ST14: variants seen among roughly 807,000 people sequenced by gnomAD.
The protein encoded by ST14 is suppressor of tumorigenicity 14 protein.
Under a neutral mutation model 96.5 loss-of-function variants are expected in ST14, and 40 were observed. That is an observed-to-expected ratio of 0.41 (90% CI 0.32 to 0.54). The LOEUF is 0.54. ST14 is among the 20% of genes least tolerant of loss of function. ST14 has a pLI of 0.17. For synonymous variants in ST14, 506 were observed against 492.1 expected (o/e 1.03, Z -0.37); for missense variants, 1,066 against 1,188.9 (o/e 0.90, Z 1.52).
At chr11:130,186,711 C>T (rs1953241143) in intron 1 of ST14, among the ~76,000 whole-genome samples, 1 of 152,048 alleles carries the variant, frequency 6.6e-6, no homozygotes, top group Admixed American at 6.6e-5. Context: ...AACTCTGGGC[C>T]TGTAACTATT....
Position 130,188,022 on chromosome 11 carries a change from C to A in ST14, c.82-92C>A. On this transcript the variant is annotated intron_variant, in intron 1 of 18. Transcript: ENST00000278742. This position sits in a 1 kb window ranked among gnomAD's most constrained non-coding sequence, Gnocchi z 5.4. ...CCAAGCCCCTGCTTTCTTCTCCAAG[C>A]TGGACCTCACAAAATGTGAACATCT... 1 of 1,540,910 alleles carries A rather than the reference C, an allele frequency of 6.5e-7. No homozygotes were observed. The highest frequency in any genetic ancestry group is 1.2e-5 in the South Asian group (1 of 84,594).
chr11:130,203,356 C>A (rs1056491883), intron 16 of ST14, among the ~76,000 whole-genome samples: 2 of 152,222 alleles, frequency 1.3e-5, no homozygotes, highest in Non-Finnish European at 2.9e-5. Flanking sequence ...ACTGCCACCA[C>A]CTTGCTCGTC....
chr11:130,189,657 C>G (rs1389215009), intron 4 of ST14, 82 bp from the exon 5 acceptor site: 28 of 1,578,142 alleles, frequency 1.8e-5, no homozygotes, highest in Non-Finnish European at 2.4e-5. Context: ...CCCGAGCCGC[C>G]CATGTGTCCT....
chr11:130,193,828 G>C (rs1373736423), intron 7 of ST14, among the ~76,000 whole-genome samples: 1 of 152,398 alleles, frequency 6.6e-6, no homozygotes, highest in Admixed American at 6.5e-5. Context: ...CCTTCCATCA[G>C]TGATTGTGAC....
chr11:130,188,762 G>C lies in ST14; in HGVS notation c.369+105G>C. ...CTGTGCTCCCAGGGCCCTGGGATGG[G>C]GGTGATCTGCAAAGGGGACCCGGGC... On this transcript the variant is annotated intron_variant, in intron 3 of 18. Transcript: ENST00000278742. This position sits in a 1 kb window ranked among gnomAD's most constrained non-coding sequence, Gnocchi z 5.4. 1.2e-6 allele frequency: 2 copies of C among 1,606,278 alleles called. No homozygotes were observed. The highest frequency in any genetic ancestry group is 1.7e-6 in the Non-Finnish European group (2 of 1,174,198).
Position 130,190,533 on chromosome 11 carries a change from C to T in ST14, c.714C>T (p.Tyr238=). Residue 238 remains tyrosine (Y), a synonymous_variant, in exon 7 of 19, where the codon TAC becomes TAT. Coordinates refer to ENST00000278742, the MANE Select transcript of ST14 (RefSeq NM_021978.4). ...CGCCCGGCTTCCCTGACAGCCCCTA[C>T]CCCGCTCATGCCCGCTGCCAGTGGG... ...FTTPGFPDSP[Y]PAHARCQWAL... The T allele has an allele frequency of 1.2e-6, 2 of 1,611,336 alleles. No homozygotes were observed. The highest frequency in any genetic ancestry group is 8.5e-7 in the Non-Finnish European group (1 of 1,179,826).
intron 16 of ST14, among the ~76,000 whole-genome samples, chr11:130,202,354 G>A (rs954127539): frequency 2.0e-5 from 3 of 152,200 alleles, no homozygotes. Flanking sequence ...TGCAGATTGT[G>A]GGTCACAGAC....
At chr11:130,178,552 G>A (rs980185114) in intron 1 of ST14, among the ~76,000 whole-genome samples, 4 of 152,166 alleles carry the variant, frequency 2.6e-5, no homozygotes, top group African/African-American at 7.2e-5. Flanking sequence ...GCAGAGAACC[G>A]CTGGGTTTCT....
rs781625620 is a variant in ST14, at chr11:130,209,655, C to T, written c.2407-7C>T. On this transcript the variant is annotated splice_region_variant and splice_polypyrimidine_tract_variant and intron_variant, in intron 18 of 18. Coordinates refer to ENST00000278742, the MANE Select transcript of ST14 (RefSeq NM_021978.4). ...GGGGACTCACGGCAGGGCTTGTCTC[C>T]GCCCAGGGTGATTCCGGGGGACCCC... The T allele has an allele frequency of 2.4e-5, 39 of 1,606,018 alleles. No homozygotes were observed. The Middle Eastern group carries it at 3.2e-3, about 130-fold the overall frequency.
chr11:130,188,438 C>T lies in ST14; in HGVS notation c.242-92C>T. The T allele has an allele frequency of 6.2e-7, 1 of 1,605,146 alleles. No individual in the cohort carries two copies. The highest frequency in any genetic ancestry group is 8.5e-7 in the Non-Finnish European group (1 of 1,176,726). On this transcript the variant is annotated intron_variant, in intron 2 of 18. Transcript: ENST00000278742. The surrounding 1 kb of genome is among the most constrained non-coding windows in gnomAD (Gnocchi z 5.4). Reference sequence around the variant, plus strand: ...AAGCAGTCAGGGCTGACCCATGGCCCCCTCCTGGCATTCATTCCCCATTGT... The same window carrying T: ...AAGCAGTCAGGGCTGACCCATGGCCTCCTCCTGGCATTCATTCCCCATTGT...
chr11:130,172,404 C>T (rs1453891367), intron 1 of ST14, among the ~76,000 whole-genome samples: 2 of 144,182 alleles, frequency 1.4e-5, no homozygotes, highest in Admixed American at 7.0e-5. Context: ...CTGTGCCTGG[C>T]TGTCTTCTTT....
rs749543571 is a variant in ST14 at position 130,188,944 on chromosome 11, G to C, written c.440+5G>C. 2 of 1,607,972 alleles carry C rather than the reference G, an allele frequency of 1.2e-6. No individual in the cohort carries two copies. The highest frequency in any genetic ancestry group is 1.7e-6 in the Non-Finnish European group (2 of 1,177,654). On this transcript the variant is annotated splice_donor_5th_base_variant and intron_variant, in intron 4 of 18. Transcript: ENST00000278742. This position sits in a 1 kb window ranked among gnomAD's most constrained non-coding sequence, Gnocchi z 5.4. ...GTCGGCTGTGACGGCCTTCAGGTGGGTGTGGAGAGAAGGCTCAGTGGGATG... is the reference window on the plus strand; with the variant it reads ...GTCGGCTGTGACGGCCTTCAGGTGGCTGTGGAGAGAAGGCTCAGTGGGATG...
intron 1 of ST14, among the ~76,000 whole-genome samples, chr11:130,171,807 A>G (rs990934690): frequency 9.2e-5 from 14 of 152,244 alleles, no homozygotes; most frequent in African/African-American, 3.4e-4. Context: ...ATACATAATC[A>G]TATACTTAAT....
chr11:130,178,045 C>T (rs927960749), intron 1 of ST14, among the ~76,000 whole-genome samples: 3 of 152,192 alleles, frequency 2.0e-5, no homozygotes, highest in Non-Finnish European at 4.4e-5. Flanking sequence ...CTGTTCACTC[C>T]GTAGTCAGAG....
Position 130,190,755 on chromosome 11 carries a change from AGC to A in ST14, c.875+62_875+63del, listed in dbSNP as rs1232938170. On this transcript the variant is annotated intron_variant, in intron 7 of 18. Transcript: ENST00000278742. ...CTTGGCGGCTGCCCTGTAGGGGGCC[AGC>A]TTCTTCAACGATTGGGATACAGTTT... The A allele has an allele frequency of 1.1e-5, 16 of 1,502,180 alleles. No individual in the cohort carries two copies. The African/African-American group carries it at 2.2e-4, about 21-fold the overall frequency. 93.1% of individuals were successfully genotyped at this position (1,502,180 alleles called of 1,614,324 possible).
intron 16 of ST14, among the ~76,000 whole-genome samples, chr11:130,201,220 C>A (rs996120653): frequency 6.6e-6 from 1 of 152,226 alleles, no homozygotes; most frequent in African/African-American, 2.4e-5. Context: ...TAGCTCCTGG[C>A]CTCTCTGGGC....
intron 1 of ST14, among the ~76,000 whole-genome samples, chr11:130,178,786 C>T (rs896622237): frequency 2.6e-5 from 4 of 152,056 alleles, no homozygotes; most frequent in Non-Finnish European, 4.4e-5. Flanking sequence ...CTCCTTCTGG[C>T]GGGGCGGCTG....
chr11:130,199,947 G>A lies in ST14; in HGVS notation c.1808-4G>A. The A allele has an allele frequency of 6.2e-7, 1 of 1,614,128 alleles. No homozygotes were observed. On this transcript the variant is annotated splice_region_variant and splice_polypyrimidine_tract_variant and intron_variant, in intron 15 of 18. Coordinates refer to ENST00000278742, the MANE Select transcript of ST14 (RefSeq NM_021978.4). Reference sequence around the variant, plus strand: ...TGTCCTCTGGTTCTCTGCTCCCTCTGCAGACTGTGGGCTGCGGTCATTCAC... The same window carrying A: ...TGTCCTCTGGTTCTCTGCTCCCTCTACAGACTGTGGGCTGCGGTCATTCAC...
chr11:130,206,364 T>C (rs374297135), intron 16 of ST14, among the ~76,000 whole-genome samples: 2 of 150,336 alleles, frequency 1.3e-5, no homozygotes, highest in East Asian at 2.0e-4. Flanking sequence ...CCCTTGGTCG[T>C]GACTACACTG....
Sources: gnomAD v4.1 joint callset for allele counts (sites outside exome capture counted in the v4.1 genomes callset) on GRCh38, gnomAD v4.1.1 for gene constraint, Gnocchi (gnomAD v3.1) non-coding constraint, MANE v1.5 for transcripts, NCBI Gene and HGNC (gene_info 2026-07-23, HGNC 2026-07-21) for gene names.